The following NT5C1B variants were observed in gnomAD, a reference collection of about 807,000 sequenced individuals.
The protein encoded by NT5C1B is 5'-nucleotidase, cytosolic IB.
In NT5C1B, 44 loss-of-function variants were observed where a neutral mutation model predicts 57.8. The ratio of observed to expected loss-of-function variants is 0.76; its 90% CI spans 0.60 to 0.98. The LOEUF (loss-of-function observed/expected upper bound fraction) is 0.98, where lower values mean the gene tolerates loss of function less well. NT5C1B is among the 50% of genes least tolerant of loss of function. NT5C1B has a pLI of 0.00. For missense variants in NT5C1B, 742 were observed against 719.5 expected, an observed-to-expected ratio of 1.03 and a Z score of -0.36; for synonymous variants, 284 against 282.6, an observed-to-expected ratio of 1.00 and a Z score of -0.05.
intron 8 of NT5C1B, among the ~76,000 whole-genome samples, chr2:18,575,077 A>G (rs899396754): frequency 6.6e-6 from 1 of 152,064 alleles, no homozygotes; most frequent in Non-Finnish European, 1.5e-5. Context: ...GGAAAATACT[A>G]CTTTAACATT....
At position 18,584,269 on chromosome 2, in the gene NT5C1B, C is replaced by T. The variant is rs766724912; in HGVS notation, c.724-14G>A. The T allele has an allele frequency of 1.4e-5, 23 of 1,610,606 alleles. No homozygotes were observed. Among genetic ancestry groups the T allele is most frequent in the Non-Finnish European group, 1.9e-5 (22 of 1,177,818 alleles). On this transcript the variant is annotated splice_polypyrimidine_tract_variant and intron_variant, in intron 4 of 8. Coordinates refer to ENST00000304081, the Ensembl canonical transcript of NT5C1B. The surrounding 1 kb of genome is among the most constrained non-coding windows in gnomAD (Gnocchi z 5.8). Reference sequence around the variant, plus strand: ...CTTGGGTTTGGGCTGCAGAGAGGGACGCCAAAGGGAGGATAGTCACATAGC... The same window carrying T: ...CTTGGGTTTGGGCTGCAGAGAGGGATGCCAAAGGGAGGATAGTCACATAGC...
chr2:18,587,603 A>G lies in NT5C1B; in HGVS notation c.31-11T>C, dbSNP rs199690915. ...CATTCCAGGCTCATTCTTGACAAGG[A>G]AACAAAGAATGTTTATTAATTTTTA... is the stretch of plus-strand genomic sequence containing the variant. On this transcript the variant is annotated splice_polypyrimidine_tract_variant and intron_variant, in intron 1 of 8. Coordinates refer to ENST00000304081, the Ensembl canonical transcript of NT5C1B. 274 of 1,606,296 alleles carry G rather than the reference A, an allele frequency of 1.7e-4. No homozygotes were observed. The African/African-American group carries it at 3.0e-3, about 18-fold the overall frequency.
intron 5 of NT5C1B, chr2:18,583,450 A>G (rs1350686332): frequency 5.1e-6 from 1 of 194,272 alleles, no homozygotes; most frequent in Non-Finnish European, 1.1e-5. Flanking sequence ...CAATTTTAGT[A>G]TATATTCTGT....
At chr2:18,576,850 A>C in exon 7 of NT5C1B, 1 of 1,613,930 alleles carries the variant, frequency 6.2e-7, no homozygotes, top group Non-Finnish European at 8.5e-7. Flanking sequence ...CAAATAGCCA[A>C]TGGGGTCTTT....
chr2:18,584,721 C>G lies in NT5C1B; in HGVS notation c.516G>C (p.Pro172=), dbSNP rs200273135. The change falls in exon 4 of 9, where the codon CCG becomes CCC. Residue 172 remains proline (P), a synonymous_variant. Coordinates refer to ENST00000304081, the Ensembl canonical transcript of NT5C1B. The surrounding 1 kb of genome is among the most constrained non-coding windows in gnomAD (Gnocchi z 5.8). Reference sequence around the variant, plus strand: ...TGGGGGACGTGCGCGAATATTCCAGCGGCTGCGAGTCCCGGGTCTGGCGGA... The same window carrying G: ...TGGGGGACGTGCGCGAATATTCCAGGGGCTGCGAGTCCCGGGTCTGGCGGA... The G allele has an allele frequency of 6.2e-7, 1 of 1,612,724 alleles. No individual in the cohort carries two copies. The highest frequency in any genetic ancestry group is 1.7e-5 in the Admixed American group (1 of 59,914).
intron 6 of NT5C1B, among the ~76,000 whole-genome samples, chr2:18,578,424 T>C (rs1281219224): frequency 6.6e-6 from 1 of 152,144 alleles, no homozygotes; most frequent in African/African-American, 2.4e-5. Context: ...TCTACTGTGA[T>C]CAAGTAGGCT....
intron 2 of NT5C1B, 159 bp downstream of exon 2, chr2:18,587,344 C>G: frequency 1.0e-6 from 1 of 985,448 alleles, no homozygotes; most frequent in Non-Finnish European, 1.2e-6. Context: ...AGGGCCCAAC[C>G]TTTCCTAGTT....
Position 18,576,231 on chromosome 2 carries a change from T to A in NT5C1B, c.1282A>T (p.Lys428Ter), listed in dbSNP as rs1239374270. Residue 428 changes from lysine (K) to a stop codon, truncating the protein, a stop_gained, in exon 8 of 9, where the codon AAA becomes TAA. Coordinates refer to ENST00000304081, the Ensembl canonical transcript of NT5C1B. LOFTEE classifies it high-confidence loss of function. ...CATAATGTATCATACTGGAAGAATT[T>A]GTCGAGCCCATGCTCCTTGGTAAAA... 2 of 1,613,576 alleles carry A rather than the reference T, an allele frequency of 1.2e-6. No individual in the cohort carries two copies. The highest frequency in any genetic ancestry group is 1.7e-6 in the Non-Finnish European group (2 of 1,179,792).
chr2:18,586,714 C>T, intron 2 of NT5C1B: 4 of 583,464 alleles, frequency 6.9e-6, no homozygotes, highest in Non-Finnish European at 1.2e-5. Flanking sequence ...CTCACTTCTT[C>T]CCTCGAGGAT....
chr2:18,583,761 T>G, intron 5 of NT5C1B: 1 of 496,748 alleles, frequency 2.0e-6, no homozygotes, highest in Non-Finnish European at 4.0e-6. Context: ...ATATGGCGTT[T>G]TATTTCTACT....
chr2:18,571,740 A>G lies in NT5C1B; in HGVS notation c.1329+4444T>C, dbSNP rs1404121361. On this transcript the variant is annotated intron_variant, in intron 8 of 8. Coordinates refer to ENST00000304081, the Ensembl canonical transcript of NT5C1B. ...TGTGTATATATATATATATATATATATATATATATATATATATATATATAT... is the reference window on the plus strand; with the variant it reads ...TGTGTATATATATATATATATATATGTATATATATATATATATATATATAT... Among the ~76,000 whole-genome samples, 92 of 81,866 alleles carry G rather than the reference A, an allele frequency of 1.1e-3. 1 individual carries two copies. The highest frequency in any genetic ancestry group is 6.1e-3 in the African/African-American group (84 of 13,734). The allele number at this position is 81,866 out of a possible 152,430, so 53.7% of individuals were successfully genotyped here.
chr2:18,578,650 A>T (rs1256550022), intron 6 of NT5C1B, among the ~76,000 whole-genome samples: 3 of 152,136 alleles, frequency 2.0e-5, no homozygotes, highest in African/African-American at 4.8e-5. Flanking sequence ...GCATCAAAGG[A>T]ACATACTTCA....
intron 3 of NT5C1B, 83 bp from the exon 4 acceptor site, chr2:18,585,061 T>C (rs2148173384): frequency 6.4e-7 from 1 of 1,564,444 alleles, no homozygotes; most frequent in Admixed American, 1.7e-5. Flanking sequence ...CCTATTCCAT[T>C]CCTAGACCTT....
At chr2:18,589,490 TTTG>T in exon 1 of NT5C1B, 1 of 1,613,964 alleles carries the variant, frequency 6.2e-7, no homozygotes, top group Non-Finnish European at 8.5e-7. Context: ...TTGAAATTCT[TTTG>T]TTGTTATCCA....
intron 8 of NT5C1B, among the ~76,000 whole-genome samples, chr2:18,567,112 T>A (rs1051266805): frequency 6.6e-6 from 1 of 152,160 alleles, no homozygotes; most frequent in Non-Finnish European, 1.5e-5. Context: ...TAGGCTTTTC[T>A]CCATGGACTT....
At chr2:18,582,932 A>G in exon 6 of NT5C1B, 1 of 1,614,128 alleles carries the variant, frequency 6.2e-7, no homozygotes, top group Non-Finnish European at 8.5e-7. Flanking sequence ...TCATCAGTAC[A>G]ATATCAAATA....
In NT5C1B at chr2:18,584,511, C is replaced by T. The variant is rs1489647510; in HGVS notation, c.723+3G>A. 5 of 1,607,370 alleles carry T rather than the reference C, an allele frequency of 3.1e-6. No individual in the cohort carries two copies. The highest frequency in any genetic ancestry group is 1.1e-5 in the South Asian group (1 of 90,270). ...GGCTGCCAGGGGCGGCGGGCTGGCT[C>T]ACCGGCCAGGGGCGCGAGCAGCTCG... On this transcript the variant is annotated splice_donor_region_variant and intron_variant, in intron 4 of 8. Coordinates refer to ENST00000304081, the Ensembl canonical transcript of NT5C1B. This position sits in a 1 kb window ranked among gnomAD's most constrained non-coding sequence, Gnocchi z 5.8.
chr2:18,571,720 A>ATG (rs1558372230), intron 8 of NT5C1B, among the ~76,000 whole-genome samples: 6 of 7,232 alleles, frequency 8.3e-4, no homozygotes, highest in African/African-American at 2.4e-3. Context: ...GTGTGTGTGT[A>ATG]TATATATATA....
In NT5C1B at chr2:18,586,699, T is replaced by A. The variant is rs1370767315; in HGVS notation, c.121-308A>T. ...AGTATGGTTCACCATTGTTCCTCCC[T>A]TTTCCTCACTTCTTCCCTCGAGGAT... On this transcript the variant is annotated intron_variant, in intron 2 of 8. Transcript: ENST00000304081. The A allele has an allele frequency of 2.3e-5, 13 of 570,880 alleles. No individual in the cohort carries two copies. In the East Asian group the frequency reaches 3.2e-4, roughly 14 times the overall value. The allele number at this position is 570,880 out of a possible 1,614,324, so 35.4% of individuals were successfully genotyped here.
Sources: allele counts gnomAD v4.1 joint callset (sites outside exome capture counted in the v4.1 genomes callset), GRCh38; gene constraint gnomAD v4.1.1; non-coding constraint Gnocchi (gnomAD v3.1); transcripts MANE v1.5; gene names NCBI Gene and HGNC (gene_info 2026-07-23, HGNC 2026-07-21).